The following GSDME variants were observed in gnomAD, a reference collection of about 807,000 sequenced individuals.
The protein encoded by GSDME is gasdermin E.
Under a neutral mutation model 47.5 loss-of-function variants are expected in GSDME, and 44 were observed. That is an observed-to-expected ratio of 0.93 (90% CI 0.73 to 1.19). GSDME has a LOEUF of 1.19. Ranked by LOEUF, GSDME falls within the 50% of genes most tolerant of loss-of-function variation. The probability of loss-of-function intolerance (pLI) is 0.00; values close to 1 mark genes in which losing one functional copy is unlikely to be tolerated. For synonymous variants in GSDME, 258 were observed against 252.8 expected (o/e 1.02, Z -0.20); for missense variants, 663 against 604.2 (o/e 1.10, Z -1.02).
In GSDME at chr7:24,757,395, C is replaced by T. The variant is rs916821088; in HGVS notation, c.-20+1G>A. 6 of 152,384 alleles carry T rather than the reference C, an allele frequency of 3.9e-5. No individual in the cohort carries two copies. The highest frequency in any genetic ancestry group is 8.8e-5 in the Non-Finnish European group (6 of 68,314). 9.4% of individuals were successfully genotyped at this position (152,384 alleles called of 1,614,324 possible). A position where few individuals can be genotyped will look rare whatever the true frequency, so the allele number is the denominator to read the frequency against. ...GCAGCCCGCGCCCGCCGCGCACTTA[C>T]CCGCGCGCCCGCTGCTGGGTCCCCG... On this transcript the variant is annotated splice_donor_variant, in intron 1 of 9. Transcript: ENST00000645220. LOFTEE classifies it low-confidence loss of function (5UTR_SPLICE). The surrounding 1 kb of genome is among the most constrained non-coding windows in gnomAD (Gnocchi z 5.9).
At chr7:24,752,851 G>A (rs1790899497) in intron 1 of GSDME, among the ~76,000 whole-genome samples, 1 of 152,214 alleles carries the variant, frequency 6.6e-6, no homozygotes. Context: ...ACAGGTTTCT[G>A]TAGAAACCAA....
Position 24,739,002 on chromosome 7 carries a change from A to T in GSDME, c.404+5560T>A, listed in dbSNP as rs990794106. Among the ~76,000 whole-genome samples the T allele has an allele frequency of 1.3e-5, 2 of 152,234 alleles. No homozygotes were observed. Among genetic ancestry groups the T allele is most frequent in the African/African-American group, 4.8e-5 (2 of 41,460 alleles). On this transcript the variant is annotated intron_variant, in intron 3 of 9. Transcript: ENST00000645220. The surrounding 1 kb of genome is among the most constrained non-coding windows in gnomAD (Gnocchi z 5.1). ...CAAATCAAAATGGATTAAACACTTAAATCTAAGACCTCAAACTATGAAACT... is the reference window on the plus strand; with the variant it reads ...CAAATCAAAATGGATTAAACACTTATATCTAAGACCTCAAACTATGAAACT...
At chr7:24,708,938 G>A (rs550211868) in intron 6 of GSDME, among the ~76,000 whole-genome samples, 13 of 152,232 alleles carry the variant, frequency 8.5e-5, no homozygotes, top group Admixed American at 7.8e-4. Context: ...AAGATACTCA[G>A]AAGCTTCTTG....
the GSDME span, among the ~76,000 whole-genome samples, chr7:24,787,478 TTGG>T: frequency 6.6e-6 from 1 of 152,200 alleles, no homozygotes; most frequent in East Asian, 1.9e-4. The surrounding 1 kb of genome is among the most constrained non-coding windows in gnomAD (Gnocchi z 5.0). Context: ...CTGCCGGGAC[TTGG>T]TGGTAGTGGT....
Position 24,721,809 on chromosome 7 carries a change from GGCCCCATGTGATCT to G in GSDME, c.405-2605_405-2592del, listed in dbSNP as rs905777907. Among the ~76,000 whole-genome samples, 1 of 152,184 alleles carries G rather than the reference GGCCCCATGTGATCT, an allele frequency of 6.6e-6. No individual in the cohort carries two copies. Among genetic ancestry groups the G allele is most frequent in the African/African-American group, 2.4e-5 (1 of 41,438 alleles). ...CATGTCCAGTGCGTTCCCAGGCTGA[GGCCCCATGTGATCT>G]GCCCTGCCCCCTGTTGACTTTATCT... On this transcript the variant is annotated intron_variant, in intron 3 of 9. Coordinates refer to ENST00000645220, the MANE Select transcript of GSDME (RefSeq NM_001127453.2). The surrounding 1 kb of genome is among the most constrained non-coding windows in gnomAD (Gnocchi z 4.1).
intron 8 of GSDME, chr7:24,704,241 A>C (rs1347258245): frequency 6.6e-6 from 1 of 152,212 alleles, no homozygotes; most frequent in Non-Finnish European, 1.5e-5. Context: ...TCTTCCATGT[A>C]CCAATTCTAT....
rs895578842 is a variant in GSDME, at chr7:24,710,604, CTTACATAAAGCTCCCTAAT to C, written c.698-235_698-217del. ...TCCAACAAATAAGGAAATGGCTGTT[CTTACATAAAGCTCCCTAAT>C]ATATATTCTCTGAACAGGCTGGACA... is the stretch of plus-strand genomic sequence containing the variant. On this transcript the variant is annotated intron_variant, in intron 5 of 9. Coordinates refer to ENST00000645220, the MANE Select transcript of GSDME (RefSeq NM_001127453.2). 6.9e-6 allele frequency: 4 copies of C among 575,554 alleles called. No homozygotes were observed. The African/African-American group carries it at 7.5e-5, about 11-fold the overall frequency. The allele number at this position is 575,554 out of a possible 1,614,324, so 35.7% of individuals were successfully genotyped here.
the GSDME span, among the ~76,000 whole-genome samples, chr7:24,771,352 C>T: frequency 1.3e-5 from 2 of 152,182 alleles, no homozygotes; most frequent in Non-Finnish European, 2.9e-5. The surrounding 1 kb of genome is among the most constrained non-coding windows in gnomAD (Gnocchi z 4.1). Context: ...TTAGAGTCAG[C>T]AGAAACAGCA....
At chr7:24,740,055 T>A (rs1402826932) in intron 3 of GSDME, among the ~76,000 whole-genome samples, 1 of 149,740 alleles carries the variant, frequency 6.7e-6, no homozygotes, top group Non-Finnish European at 1.5e-5. Flanking sequence ...ATTATACCAC[T>A]GCACTCCAGC....
At chr7:24,778,232 C>T in the GSDME span, among the ~76,000 whole-genome samples, 1 of 151,814 alleles carries the variant, frequency 6.6e-6, no homozygotes, top group East Asian at 2.0e-4. The surrounding 1 kb of genome is among the most constrained non-coding windows in gnomAD (Gnocchi z 5.6). Context: ...AGCTAGCAAT[C>T]AGGTCTCAGC....
chr7:24,779,856 C>T, the GSDME span, among the ~76,000 whole-genome samples: 2 of 152,206 alleles, frequency 1.3e-5, no homozygotes, highest in Non-Finnish European at 2.9e-5. This position sits in a 1 kb window ranked among gnomAD's most constrained non-coding sequence, Gnocchi z 6.0. Flanking sequence ...TCTCTTCAGC[C>T]CCTTTCTCAG....
the GSDME span, among the ~76,000 whole-genome samples, chr7:24,790,334 C>T: frequency 6.6e-6 from 1 of 152,142 alleles, no homozygotes; most frequent in Non-Finnish European, 1.5e-5. The surrounding 1 kb of genome is among the most constrained non-coding windows in gnomAD (Gnocchi z 4.1). Context: ...CATCTTGTGC[C>T]CAAGTAGCAG....
chr7:24,736,301 C>T lies in GSDME; in HGVS notation c.404+8261G>A, dbSNP rs528500578. Among the ~76,000 whole-genome samples the T allele has an allele frequency of 6.6e-5, 10 of 152,122 alleles. No individual in the cohort carries two copies. Among genetic ancestry groups the T allele is most frequent in the African/African-American group, 2.4e-4 (10 of 41,514 alleles). On this transcript the variant is annotated intron_variant, in intron 3 of 9. Transcript: ENST00000645220. The surrounding 1 kb of genome is among the most constrained non-coding windows in gnomAD (Gnocchi z 4.6). ...GAAACACCCTTCACCTATAAAGACA[C>T]ATATAGACTGAAAATAAAGGGATGG...
intron 5 of GSDME, among the ~76,000 whole-genome samples, chr7:24,711,995 C>T (rs920345662): frequency 1.3e-5 from 2 of 152,054 alleles, no homozygotes; most frequent in African/African-American, 4.8e-5. Flanking sequence ...AACTTGTGTA[C>T]GTAAGCAAAG....
chr7:24,705,216 G>C lies in GSDME; in HGVS notation c.1183+968C>G, dbSNP rs995556092. On this transcript the variant is annotated intron_variant, in intron 8 of 9. Transcript: ENST00000645220. This position sits in a 1 kb window ranked among gnomAD's most constrained non-coding sequence, Gnocchi z 4.1. ...CTGTTCTGAAAGACTCTAATACCCG[G>C]ATGTTAACATTGGGAGAAAGTCTCT... The C allele has an allele frequency of 3.3e-5, 5 of 152,220 alleles. No homozygotes were observed. The highest frequency in any genetic ancestry group is 1.2e-4 in the African/African-American group (5 of 41,450). 9.4% of individuals were successfully genotyped at this position (152,220 alleles called of 1,614,324 possible).
At chr7:24,777,242 C>T in the GSDME span, among the ~76,000 whole-genome samples, 2 of 152,130 alleles carry the variant, frequency 1.3e-5, no homozygotes, top group Non-Finnish European at 2.9e-5. Flanking sequence ...AATTTGGACA[C>T]CCTGAAATTG....
At chr7:24,764,924 C>T in the GSDME span, among the ~76,000 whole-genome samples, 1 of 152,208 alleles carries the variant, frequency 6.6e-6, no homozygotes, top group East Asian at 1.9e-4. This position sits in a 1 kb window ranked among gnomAD's most constrained non-coding sequence, Gnocchi z 4.4. Context: ...GGATTCCTGC[C>T]TTTAAGAAGC....
At chr7:24,761,079 T>G (rs1187844681), upstream of GSDME, among the ~76,000 whole-genome samples, 1 of 152,220 alleles carries the variant, frequency 6.6e-6, no homozygotes, top group Non-Finnish European at 1.5e-5. This position sits in a 1 kb window ranked among gnomAD's most constrained non-coding sequence, Gnocchi z 4.4. Flanking sequence ...CAAAACTTAG[T>G]GGCTTGAAAC....
Position 24,698,649 on chromosome 7 carries a change from GTAAAAAGACC to G in GSDME, c.*367_*376del. 3.2e-6 allele frequency: 1 copy of G among 315,170 alleles called. No individual in the cohort carries two copies. The highest frequency in any genetic ancestry group is 3.0e-5 in the South Asian group (1 of 32,950). The allele number at this position is 315,170 out of a possible 1,614,324, so 19.5% of individuals were successfully genotyped here. A position where few individuals can be genotyped will look rare whatever the true frequency, so the allele number is the denominator to read the frequency against. ...ATTGCCTTCCCACAGCATTCACAATGTAAAAAGACCTTTTGGATTAAAGGGTCAGACTCTT... is the reference window on the plus strand; with the variant it reads ...ATTGCCTTCCCACAGCATTCACAATGTTTTGGATTAAAGGGTCAGACTCTT... On this transcript the variant is annotated 3_prime_UTR_variant, in exon 10 of 10. Coordinates refer to ENST00000645220, the MANE Select transcript of GSDME (RefSeq NM_001127453.2).
Sources: allele counts gnomAD v4.1 joint callset (sites outside exome capture counted in the v4.1 genomes callset), GRCh38; gene constraint gnomAD v4.1.1; non-coding constraint Gnocchi (gnomAD v3.1); transcripts MANE v1.5; gene names NCBI Gene and HGNC (gene_info 2026-07-23, HGNC 2026-07-21).